The following ESR1 variants were observed in gnomAD, a reference collection of about 807,000 sequenced individuals.
The protein encoded by ESR1 is estrogen receptor 1.
Under a neutral mutation model 52.7 loss-of-function variants are expected in ESR1, and 12 were observed. The observed-to-expected ratio is 0.23, with a 90% CI of 0.15 to 0.37. The LOEUF is 0.37. ESR1 is among the 10% of genes least tolerant of loss of function. The pLI is 1.00. For synonymous variants in ESR1, 305 were observed against 316.8 expected (o/e 0.96, Z 0.39); for missense variants, 584 against 779.7 (o/e 0.75, Z 2.99).
At chr6:151,804,334 A>G (rs567733688), upstream of ESR1, 8 of 152,292 alleles carry the variant, frequency 5.3e-5, no homozygotes, top group African/African-American at 1.9e-4. Context: ...TCCTATGTCA[A>G]TAGTGAACAA....
At chr6:151,831,614 G>A (rs1212207589) in intron 1 of ESR1, among the ~76,000 whole-genome samples, 4 of 152,164 alleles carry the variant, frequency 2.6e-5, no homozygotes, top group African/African-American at 9.7e-5. Flanking sequence ...CAGACTGCCT[G>A]GGTCCTTGAC....
At chr6:151,930,245 A>G (rs1260035127) in intron 3 of ESR1, among the ~76,000 whole-genome samples, 1 of 152,130 alleles carries the variant, frequency 6.6e-6, no homozygotes, top group East Asian at 1.9e-4. Flanking sequence ...TCTGCCTCCC[A>G]AAGTGCTGGG....
chr6:151,722,680 T>C (rs141361891), intron 2 of ESR1, among the ~76,000 whole-genome samples: 1,587 of 152,344 alleles, frequency 0.01, 27 homozygotes, highest in African/African-American at 0.037. Flanking sequence ...AGCCAGTGCA[T>C]GATAATGCGA....
intron 1 of ESR1, among the ~76,000 whole-genome samples, chr6:151,696,260 C>T (rs1779328962): frequency 6.6e-6 from 1 of 151,860 alleles, no homozygotes; most frequent in Non-Finnish European, 1.5e-5. Flanking sequence ...CAGTTGAGGC[C>T]AGGAGTTTGA....
intron 4 of ESR1, among the ~76,000 whole-genome samples, chr6:152,003,794 A>G (rs1475313333): frequency 1.6e-5 from 2 of 125,422 alleles, no homozygotes; most frequent in Non-Finnish European, 1.6e-5. Flanking sequence ...AAGTGAGGCC[A>G]TACATTTTTA....
intron 2 of ESR1, among the ~76,000 whole-genome samples, chr6:151,764,410 G>T (rs909202942): frequency 1.3e-5 from 2 of 152,140 alleles, no homozygotes; most frequent in African/African-American, 4.8e-5. Context: ...TTTTACTTTG[G>T]AGAAGGACTG....
chr6:151,892,958 C>G (rs972088760), intron 3 of ESR1, among the ~76,000 whole-genome samples: 1 of 152,030 alleles, frequency 6.6e-6, no homozygotes, highest in Non-Finnish European at 1.5e-5. Flanking sequence ...GGAGGCCGAG[C>G]TGGGTGGATC....
At chr6:152,067,285 T>C (rs1386299836) in intron 6 of ESR1, among the ~76,000 whole-genome samples, 1 of 152,038 alleles carries the variant, frequency 6.6e-6, no homozygotes. Context: ...CTGGGGAAAA[T>C]GTAGGGAGTT....
chr6:151,957,628 AT>A (rs1394517598), intron 4 of ESR1, among the ~76,000 whole-genome samples: 1 of 151,334 alleles, frequency 6.6e-6, no homozygotes, highest in Non-Finnish European at 1.5e-5. Flanking sequence ...TTGGGGCTAC[AT>A]TTAAGTGCTT....
At chr6:152,106,812 C>T (rs1157753123), downstream of ESR1, among the ~76,000 whole-genome samples, 1 of 152,068 alleles carries the variant, frequency 6.6e-6, no homozygotes, top group South Asian at 2.1e-4. Context: ...CATTATGTTG[C>T]CCAGGCTGGT....
intron 2 of ESR1, among the ~76,000 whole-genome samples, chr6:151,753,567 G>A (rs145093957): frequency 3.3e-5 from 5 of 152,142 alleles, no homozygotes; most frequent in Middle Eastern, 3.4e-3. Context: ...ATCCACCCAC[G>A]TTGGCCTCCC....
intron 5 of ESR1, among the ~76,000 whole-genome samples, chr6:152,020,446 T>C (rs992507497): frequency 6.6e-6 from 1 of 151,878 alleles, no homozygotes; most frequent in South Asian, 2.1e-4. Flanking sequence ...TATTTTTTCC[T>C]TTTTTTTGTT....
At chr6:151,830,068 T>C (rs1782149629) in intron 1 of ESR1, among the ~76,000 whole-genome samples, 1 of 152,244 alleles carries the variant, frequency 6.6e-6, no homozygotes, top group Non-Finnish European at 1.5e-5. Context: ...ATAAATGAAA[T>C]GACTTATGGA....
chr6:151,982,028 T>C (rs1026620796), intron 4 of ESR1, among the ~76,000 whole-genome samples: 1 of 152,234 alleles, frequency 6.6e-6, no homozygotes, highest in African/African-American at 2.4e-5. Context: ...ACGTTACCAA[T>C]GTAATGATAT....
chr6:151,666,442 G>A (rs1207273914), intron 1 of ESR1, among the ~76,000 whole-genome samples: 1 of 152,184 alleles, frequency 6.6e-6, no homozygotes, highest in Non-Finnish European at 1.5e-5. Context: ...AGGAATTCAG[G>A]TTCCTGGTGA....
chr6:151,754,128 A>G (rs1454189185), intron 2 of ESR1, among the ~76,000 whole-genome samples: 4 of 152,222 alleles, frequency 2.6e-5, no homozygotes, highest in African/African-American at 7.2e-5. Context: ...AAAATAGTCA[A>G]TGGAAATAAA....
At chr6:151,809,209 A>G (rs1261978930) in intron 1 of ESR1, 6 of 459,462 alleles carry the variant, frequency 1.3e-5, no homozygotes, top group Non-Finnish European at 2.7e-5. Flanking sequence ...CCTCGCAGCC[A>G]CTGTGGAAGG....
chr6:151,691,271 T>C (rs1778917158), intron 1 of ESR1, among the ~76,000 whole-genome samples: 1 of 152,180 alleles, frequency 6.6e-6, no homozygotes, highest in South Asian at 2.1e-4. Flanking sequence ...TGTCCCATTT[T>C]CTCAGTTCCT....
chr6:152,012,651 C>G (rs2042872583), intron 5 of ESR1, among the ~76,000 whole-genome samples: 2 of 152,204 alleles, frequency 1.3e-5, no homozygotes, highest in South Asian at 4.1e-4. Flanking sequence ...ACCTCCTGTG[C>G]TGGGCACATG....
Sources: allele counts gnomAD v4.1 joint callset (sites outside exome capture counted in the v4.1 genomes callset), GRCh38; gene constraint gnomAD v4.1.1; transcripts MANE v1.5; gene names NCBI Gene and HGNC (gene_info 2026-07-23, HGNC 2026-07-21).